The following LIMS1 variants were observed in gnomAD, a reference collection of about 807,000 sequenced individuals.
The protein encoded by LIMS1 is LIM zinc finger domain containing 1.
A neutral mutation model predicts 44.1 loss-of-function variants in LIMS1; 18 were observed. The ratio of observed to expected loss-of-function variants is 0.41; its 90% CI spans 0.28 to 0.61. LIMS1 has a LOEUF of 0.61. LIMS1 is among the 20% of genes least tolerant of loss of function. LIMS1 has a pLI of 0.32. For missense variants in LIMS1, 201 were observed against 422.0 expected (o/e 0.48, Z 4.59); for synonymous variants, 93 against 149.1 (o/e 0.62, Z 2.74).
intron 9 of LIMS1, among the ~76,000 whole-genome samples, 178 bp from the exon 10 acceptor site, chr2:108,683,707 T>TTA (rs944234791): frequency 9.2e-5 from 14 of 152,148 alleles, no homozygotes; most frequent in African/African-American, 2.6e-4. Context: ...TACTGAATTT[T>TTA]TATATATATA....
chr2:108,577,704 AT>A (rs902457612), intron 1 of LIMS1, among the ~76,000 whole-genome samples: 7 of 152,308 alleles, frequency 4.6e-5, no homozygotes, highest in African/African-American at 1.7e-4. Context: ...GTAGTACTTT[AT>A]TTTTTAAGAG....
chr2:108,603,561 CT>C (rs1687125760), intron 1 of LIMS1, among the ~76,000 whole-genome samples: 1 of 115,208 alleles, frequency 8.7e-6, no homozygotes, highest in Admixed American at 1.3e-4. Flanking sequence ...CTGGAGTTAT[CT>C]TGGCTCACTA....
At chr2:108,590,742 C>T (rs549289676) in intron 1 of LIMS1, among the ~76,000 whole-genome samples, 1 of 152,226 alleles carries the variant, frequency 6.6e-6, no homozygotes, top group Non-Finnish European at 1.5e-5. Flanking sequence ...CTTCAGAGTC[C>T]TCCATTGCCT....
At chr2:108,653,627 G>A (rs2433805) in intron 1 of LIMS1, among the ~76,000 whole-genome samples, 32 of 151,866 alleles carry the variant, frequency 2.1e-4, no homozygotes, top group African/African-American at 7.8e-4. Context: ...ATTGCTGTAA[G>A]CCAAAAAGTA....
At chr2:108,611,420 G>A (rs922049092) in intron 1 of LIMS1, among the ~76,000 whole-genome samples, 1 of 152,114 alleles carries the variant, frequency 6.6e-6, no homozygotes, top group African/African-American at 2.4e-5. Flanking sequence ...CCAAGGCTCT[G>A]ATTTAAAAAA....
In LIMS1 at chr2:108,551,929, ATG is replaced by A. The variant is rs1213737564; in HGVS notation, c.32+17359_32+17360del. ...TGTATATGTGTGTATATGTGTATAT[ATG>A]TGTGTGTGTGTGTGTGTGTGTGTAT... On this transcript the variant is annotated intron_variant, in intron 1 of 9. Transcript: ENST00000544547. 7.4e-3 allele frequency among the ~76,000 whole-genome samples: 999 copies of A among 135,660 alleles called. 6 individuals carry two copies. The highest frequency in any genetic ancestry group is 0.014 in the African/African-American group (492 of 35,580). The allele number at this position is 135,660 out of a possible 152,430, so 89.0% of individuals were successfully genotyped here.
chr2:108,613,170 G>C (rs1306926655), intron 1 of LIMS1, among the ~76,000 whole-genome samples: 1 of 152,128 alleles, frequency 6.6e-6, no homozygotes, highest in Non-Finnish European at 1.5e-5. Context: ...GTGCTGGGTA[G>C]GTACTCCAAC....
chr2:108,658,940 G>C (rs1691125725), intron 1 of LIMS1, among the ~76,000 whole-genome samples: 1 of 152,296 alleles, frequency 6.6e-6, no homozygotes, highest in African/African-American at 2.4e-5. Context: ...ATGTTGGTCT[G>C]ATCCTTCCAT....
intron 1 of LIMS1, among the ~76,000 whole-genome samples, chr2:108,581,054 G>A (rs758191227): frequency 8.5e-5 from 13 of 152,138 alleles, no homozygotes; most frequent in Non-Finnish European, 1.5e-4. Context: ...AATTTGTAAC[G>A]TGCTTCCTTC....
chr2:108,682,201 T>C (rs1396790195), intron 9 of LIMS1, among the ~76,000 whole-genome samples: 1 of 152,112 alleles, frequency 6.6e-6, no homozygotes, highest in African/African-American at 2.4e-5. Context: ...TAAAGAGGAA[T>C]TAAATGTAAA....
At chr2:108,684,811 A>G (rs1268386494) in exon 10 of LIMS1, 1 of 152,190 alleles carries the variant, frequency 6.6e-6, no homozygotes, top group African/African-American at 2.4e-5. Context: ...AGAATAGGAC[A>G]TGAAATTAAA....
chr2:108,563,471 T>G (rs570812344), intron 1 of LIMS1, among the ~76,000 whole-genome samples: 36 of 152,156 alleles, frequency 2.4e-4, no homozygotes, highest in Non-Finnish European at 4.0e-4. Context: ...TGGATGACTT[T>G]CGGGGGCTCA....
intron 1 of LIMS1, chr2:108,588,380 A>G: frequency 2.0e-6 from 2 of 985,382 alleles, no homozygotes; most frequent in Non-Finnish European, 2.4e-6. Flanking sequence ...GAGGCTTTCA[A>G]AGATAATTCG....
chr2:108,675,191 T>C (rs1692449158), intron 5 of LIMS1, among the ~76,000 whole-genome samples: 1 of 151,838 alleles, frequency 6.6e-6, no homozygotes, highest in Non-Finnish European at 1.5e-5. Context: ...ACAAACTGGG[T>C]AATTTGTAAC....
At chr2:108,631,422 G>T (rs1371115206) in intron 1 of LIMS1, among the ~76,000 whole-genome samples, 2 of 152,054 alleles carry the variant, frequency 1.3e-5, no homozygotes, top group Non-Finnish European at 2.9e-5. Flanking sequence ...TAAAAGAAGT[G>T]AATGTTCTTA....
chr2:108,642,344 TTTTTTTTTTTTTTGTTTTTTG>T (rs1320224852), intron 1 of LIMS1, among the ~76,000 whole-genome samples: 37,579 of 65,758 alleles, frequency 0.57, 8,939 homozygotes, highest in East Asian at 0.88. Flanking sequence ...TGTTTTTTGT[TTTTTTTTTTTTTTGTTTTTTG>T]TTTTTTTTTT....
chr2:108,566,660 G>T lies in LIMS1; in HGVS notation c.32+32066G>T, dbSNP rs181490985. Among the ~76,000 whole-genome samples, 471 of 152,150 alleles carry T rather than the reference G, an allele frequency of 3.1e-3. 1 individual carries two copies. Among genetic ancestry groups the T allele is most frequent in the African/African-American group, 0.011 (441 of 41,520 alleles). Reference sequence around the variant, plus strand: ...CACCCAGGCTGGAGTGCAGTGGCATGATCTCAGCTTACTGCAACCTCTGCC... The same window carrying T: ...CACCCAGGCTGGAGTGCAGTGGCATTATCTCAGCTTACTGCAACCTCTGCC... On this transcript the variant is annotated intron_variant, in intron 1 of 9. Coordinates refer to ENST00000544547, the Ensembl canonical transcript of LIMS1.
intron 1 of LIMS1, among the ~76,000 whole-genome samples, chr2:108,605,494 A>G (rs1403150819): frequency 6.6e-6 from 1 of 152,164 alleles, no homozygotes; most frequent in Non-Finnish European, 1.5e-5. Flanking sequence ...AATTTTTTAA[A>G]ATTTTCCATA....
intron 1 of LIMS1, among the ~76,000 whole-genome samples, chr2:108,615,004 AC>A (rs1307687416): frequency 6.6e-6 from 1 of 152,166 alleles, no homozygotes. Context: ...GAAGTATTTA[AC>A]CTATTGGATT....
Sources: gnomAD v4.1 joint callset for allele counts (sites outside exome capture counted in the v4.1 genomes callset) on GRCh38, gnomAD v4.1.1 for gene constraint, MANE v1.5 for transcripts, NCBI Gene and HGNC (gene_info 2026-07-23, HGNC 2026-07-21) for gene names.